PRKACB: variants seen among roughly 807,000 people sequenced by gnomAD.
The protein encoded by PRKACB is cAMP-dependent protein kinase catalytic subunit beta.
A neutral mutation model predicts 51.4 loss-of-function variants in PRKACB; 16 were observed. That is an observed-to-expected ratio of 0.31 (90% CI 0.21 to 0.47). The LOEUF is 0.47. Among genes scored for constraint, PRKACB ranks in the 20% least tolerant of loss-of-function variants. The pLI is 1.00. For missense variants in PRKACB, 309 were observed against 464.5 expected (o/e 0.67, Z 3.08); for synonymous variants, 147 against 154.4 (o/e 0.95, Z 0.35).
chr1:84,230,156 G>A (rs1229086969), intron 9 of PRKACB, among the ~76,000 whole-genome samples: 3 of 151,956 alleles, frequency 2.0e-5, no homozygotes, highest in Admixed American at 1.3e-4. Context: ...CATATGGCTA[G>A]CCAGTTTTCC....
rs550738128 is a variant in PRKACB at position 84,192,598 on chromosome 1, G to A, written c.561-4018G>A. Reference sequence around the variant, plus strand: ...AGAAGAGGAATTGTAAACGTGGAGGGAAAAGCTCCAGAAGGGAACTTGTCT... The same window carrying A: ...AGAAGAGGAATTGTAAACGTGGAGGAAAAAGCTCCAGAAGGGAACTTGTCT... On this transcript the variant is annotated intron_variant, in intron 5 of 9. Transcript: ENST00000370685. Among the ~76,000 whole-genome samples the A allele has an allele frequency of 2.6e-5, 4 of 152,228 alleles. No individual in the cohort carries two copies. The South Asian group carries it at 8.3e-4, about 32-fold the overall frequency.
At chr1:84,199,926 A>G (rs764070429) in intron 7 of PRKACB, among the ~76,000 whole-genome samples, 2 of 151,338 alleles carry the variant, frequency 1.3e-5, no homozygotes, top group African/African-American at 4.9e-5. Context: ...GTTCACTACA[A>G]CCTCTGCCTC....
chr1:84,105,800 A>T (rs1447141221), intron 1 of PRKACB, among the ~76,000 whole-genome samples: 1 of 151,624 alleles, frequency 6.6e-6, no homozygotes, highest in African/African-American at 2.4e-5. Flanking sequence ...CTGATCTCGA[A>T]CTCCTGACCT....
intron 1 of PRKACB, among the ~76,000 whole-genome samples, chr1:84,127,096 T>A (rs1454217940): frequency 1.3e-5 from 2 of 152,210 alleles, no homozygotes; most frequent in Non-Finnish European, 2.9e-5. Context: ...TCTTCTTCCA[T>A]CTTTCTGTAA....
At chr1:84,171,770 ACT>A (rs1366865850) in intron 1 of PRKACB, among the ~76,000 whole-genome samples, 1 of 151,542 alleles carries the variant, frequency 6.6e-6, no homozygotes, top group Non-Finnish European at 1.5e-5. Flanking sequence ...TACATAGAAG[ACT>A]CAAGTGAATC....
rs1662210822 is a variant in PRKACB, at chr1:84,178,802, G to C, written c.188-375G>C. The C allele has an allele frequency of 1.9e-5, 3 of 155,682 alleles. No homozygotes were observed. The Admixed American group carries it at 2.0e-4, about 10-fold the overall frequency. The allele number at this position is 155,682 out of a possible 1,614,324, so 9.6% of individuals were successfully genotyped here. On this transcript the variant is annotated intron_variant, in intron 1 of 9. Coordinates refer to ENST00000370685, the MANE Select transcript of PRKACB (RefSeq NM_182948.4). ...ATCAGTAGGTTAATGTTCTCCACAT[G>C]TTTTCAATTCTTGTATCTAAAGGCT...
intron 1 of PRKACB, chr1:84,164,584 G>A (rs1345742464): frequency 9.5e-6 from 13 of 1,372,662 alleles, no homozygotes; most frequent in Admixed American, 4.9e-5. Flanking sequence ...GAAAAGCTAC[G>A]CCTTGGATAC....
At chr1:84,083,041 T>G (rs191764168) in intron 1 of PRKACB, among the ~76,000 whole-genome samples, 2,137 of 152,304 alleles carry the variant, frequency 0.014, 20 homozygotes, top group Non-Finnish European at 0.022. Flanking sequence ...AAATTATTTT[T>G]GGGGCTGTAC....
At chr1:84,141,802 C>G (rs2100589798), upstream of PRKACB, among the ~76,000 whole-genome samples, 1 of 152,124 alleles carries the variant, frequency 6.6e-6, no homozygotes, top group Non-Finnish European at 1.5e-5. Context: ...AATGGAATAC[C>G]ATGAGTGTAA....
chr1:84,121,326 A>G (rs1214775930), intron 1 of PRKACB, among the ~76,000 whole-genome samples: 1 of 151,902 alleles, frequency 6.6e-6, no homozygotes, highest in East Asian at 1.9e-4. Flanking sequence ...TTGTTTTTTT[A>G]ATACATAAAT....
chr1:84,229,209 A>C (rs1317789080), intron 9 of PRKACB, among the ~76,000 whole-genome samples: 2 of 143,378 alleles, frequency 1.4e-5, no homozygotes. Context: ...GCGATAGTTT[A>C]CTGAGAATGA....
At chr1:84,190,616 G>A (rs1217442121) in intron 5 of PRKACB, among the ~76,000 whole-genome samples, 2 of 151,958 alleles carry the variant, frequency 1.3e-5, no homozygotes, top group Non-Finnish European at 2.9e-5. Context: ...GTTTTAGTCT[G>A]GGTTTATAGC....
chr1:84,193,136 G>C (rs114218897), intron 5 of PRKACB, among the ~76,000 whole-genome samples: 2,043 of 152,158 alleles, frequency 0.013, 57 homozygotes, highest in African/African-American at 0.045. Flanking sequence ...GGCAAAAGAC[G>C]CCTCTCAAAC....
At chr1:84,197,642 T>G (rs1024759289) in intron 6 of PRKACB, 87 bp from the exon 7 acceptor site, 4 of 860,634 alleles carry the variant, frequency 4.6e-6, no homozygotes, top group Non-Finnish European at 6.9e-6. Flanking sequence ...AGTTTCAATT[T>G]GAATTTTAAA....
intron 1 of PRKACB, chr1:84,173,264 G>A (rs1450890418): frequency 1.5e-6 from 2 of 1,300,238 alleles, no homozygotes; most frequent in South Asian, 1.3e-5. Flanking sequence ...TGTATAGATG[G>A]GTAACTTCTT....
chr1:84,200,698 A>G (rs924075052), intron 7 of PRKACB, among the ~76,000 whole-genome samples: 11 of 152,138 alleles, frequency 7.2e-5, no homozygotes, highest in African/African-American at 2.7e-4. Context: ...AGTCTTTTGC[A>G]TGTGGCTAGC....
rs947485399 is a variant in PRKACB, at chr1:84,235,487, G to A, written c.*182G>A. 56 of 685,496 alleles carry A rather than the reference G, an allele frequency of 8.2e-5. No homozygotes were observed. The highest frequency in any genetic ancestry group is 2.3e-4 in the East Asian group (8 of 34,752). 42.5% of individuals were successfully genotyped at this position (685,496 alleles called of 1,614,324 possible). On this transcript the variant is annotated 3_prime_UTR_variant, in exon 10 of 10. Transcript: ENST00000370685. ...GCATCCACCTATGTAACAAGGCACC[G>A]CTAAGCAAGCATTGTCTGTGCCATA...
At chr1:84,200,948 TC>T in intron 7 of PRKACB, among the ~76,000 whole-genome samples, 1 of 152,276 alleles carries the variant, frequency 6.6e-6, no homozygotes, top group East Asian at 1.9e-4. Flanking sequence ...TAGCCACTCT[TC>T]TATCGTTGAG....
intron 1 of PRKACB, among the ~76,000 whole-genome samples, chr1:84,126,820 G>C (rs1651658897): frequency 6.6e-6 from 1 of 152,002 alleles, no homozygotes; most frequent in Non-Finnish European, 1.5e-5. Flanking sequence ...TAATTTTCTG[G>C]GTTCAATGAA....
Sources: allele counts gnomAD v4.1 joint callset (sites outside exome capture counted in the v4.1 genomes callset), GRCh38; gene constraint gnomAD v4.1.1; transcripts MANE v1.5; gene names NCBI Gene and HGNC (gene_info 2026-07-23, HGNC 2026-07-21).